The following GFRA2 variants were observed in gnomAD, a reference collection of about 807,000 sequenced individuals.
GFRA2 encodes GDNF family receptor alpha-2.
GFRA2 carries 17 observed loss-of-function variants against 48.3 expected under a neutral mutation model. The observed-to-expected ratio is 0.35, with a 90% confidence interval of 0.24 to 0.53. GFRA2 has a LOEUF of 0.53. Ranked by LOEUF, GFRA2 falls within the 20% of genes least tolerant of loss-of-function variation. The probability of loss-of-function intolerance (pLI) is 0.93; values close to 1 mark genes in which losing one functional copy is unlikely to be tolerated. For missense variants in GFRA2, 660 were observed against 637.3 expected (o/e 1.04, Z -0.38); for synonymous variants, 305 against 257.2 (o/e 1.19, Z -1.78).
In GFRA2 at chr8:21,784,738, C is replaced by T. The variant is rs373880784; in HGVS notation, c.41-1839G>A. ...CACTGACCAGACCTCTGCCACAGAA[C>T]AGGAAGGCTGATGGATGTGGCCAGG... On this transcript the variant is annotated intron_variant, in intron 1 of 8. Coordinates refer to ENST00000524240, the MANE Select transcript of GFRA2 (RefSeq NM_001495.5). 8.6e-3 allele frequency among the ~76,000 whole-genome samples: 1,317 copies of T among 152,314 alleles called. 17 individuals carry two copies. The highest frequency in any genetic ancestry group is 0.03 in the African/African-American group (1,257 of 41,562).
rs73554748 is a variant in GFRA2, at chr8:21,748,839, G to A, written c.794+1749C>T. On this transcript the variant is annotated intron_variant, in intron 4 of 8. Transcript: ENST00000524240. ...CCTCCCCCGACTTGCCTCCCATCAC[G>A]GCCCACTCTACATGTGCCCAACACC... Among the ~76,000 whole-genome samples the A allele has an allele frequency of 4.3e-3, 660 of 152,048 alleles. 5 individuals are homozygous for A. The highest frequency in any genetic ancestry group is 0.015 in the African/African-American group (629 of 41,478).
At chr8:21,763,897 AC>A (rs1806026906) in intron 3 of GFRA2, among the ~76,000 whole-genome samples, 1 of 151,288 alleles carries the variant, frequency 6.6e-6, no homozygotes, top group Non-Finnish European at 1.5e-5. Flanking sequence ...ACCCAGTGAA[AC>A]CCAGCCACCC....
At position 21,769,799 on chromosome 8, in the gene GFRA2, G is replaced by A. The variant is rs113119721; in HGVS notation, c.439+5173C>T. On this transcript the variant is annotated intron_variant, in intron 3 of 8. Transcript: ENST00000524240. ...TGCTGTGGCACCAGGGGCCGGTGGTGGTTACCTCTCAGAGGCCGTATGCAA... is the reference window on the plus strand; with the variant it reads ...TGCTGTGGCACCAGGGGCCGGTGGTAGTTACCTCTCAGAGGCCGTATGCAA... Among the ~76,000 whole-genome samples, 3 of 152,228 alleles carry A rather than the reference G, an allele frequency of 2.0e-5. 1 individual carries two copies. The highest frequency in any genetic ancestry group is 7.2e-5 in the African/African-American group (3 of 41,524).
At chr8:21,741,708 G>A (rs564321741) in intron 4 of GFRA2, among the ~76,000 whole-genome samples, 6 of 152,108 alleles carry the variant, frequency 3.9e-5, no homozygotes, top group Non-Finnish European at 7.4e-5. Context: ...CAGATCACGA[G>A]GTCAGGAGTT....
intron 3 of GFRA2, among the ~76,000 whole-genome samples, chr8:21,758,462 C>G (rs1805699158): frequency 6.6e-6 from 1 of 152,158 alleles, no homozygotes; most frequent in African/African-American, 2.4e-5. Flanking sequence ...ACCACCCTTC[C>G]TGCCTCCCAG....
intron 7 of GFRA2, among the ~76,000 whole-genome samples, chr8:21,698,850 C>T (rs1407056370): frequency 6.6e-6 from 1 of 151,216 alleles, no homozygotes; most frequent in East Asian, 1.9e-4. Context: ...GACTCTGTGC[C>T]TCGGCTCCGC....
At chr8:21,781,325 C>A (rs989665413) in intron 2 of GFRA2, among the ~76,000 whole-genome samples, 6 of 152,132 alleles carry the variant, frequency 3.9e-5, no homozygotes, top group African/African-American at 1.4e-4. Context: ...CTCCTCCCCA[C>A]TTCCACCACC....
intron 4 of GFRA2, among the ~76,000 whole-genome samples, chr8:21,749,353 A>G (rs939641361): frequency 1.3e-5 from 2 of 152,030 alleles, no homozygotes; most frequent in Non-Finnish European, 2.9e-5. Flanking sequence ...AACGTTCACA[A>G]TAACCCTGTG....
intron 3 of GFRA2, among the ~76,000 whole-genome samples, chr8:21,772,268 GC>G (rs1806472994): frequency 6.6e-6 from 1 of 152,166 alleles, no homozygotes; most frequent in Non-Finnish European, 1.5e-5. Context: ...TTTCTGCTGA[GC>G]TCCTCACCAT....
Position 21,750,667 on chromosome 8 carries a change from G to A in GFRA2, c.715C>T (p.Pro239Ser), listed in dbSNP as rs766573343. ...TCCTTGTCCTCATAGGAGCAGCTGGGCAGGATGGTTTGCCGGCGGCGCTCA... is the reference window on the plus strand; with the variant it reads ...TCCTTGTCCTCATAGGAGCAGCTGGACAGGATGGTTTGCCGGCGGCGCTCA... ...CAERRRQTIL[P>S]SCSYEDKEKP... is the part of the protein sequence containing the mutation. The change falls in exon 4 of 9, where the codon CCC becomes TCC. Residue 239 changes from proline to serine, a missense_variant. By Grantham distance (74) the Pro-to-Ser change is moderately conservative (BLOSUM62 -1). Coordinates refer to ENST00000524240, the MANE Select transcript of GFRA2 (RefSeq NM_001495.5). This position sits in a 1 kb window ranked among gnomAD's most constrained non-coding sequence, Gnocchi z 5.7. 1.2e-6 allele frequency: 2 copies of A among 1,613,848 alleles called. No individual in the cohort carries two copies. The highest frequency in any genetic ancestry group is 1.7e-6 in the Non-Finnish European group (2 of 1,179,788).
At chr8:21,746,453 C>T (rs1446505268) in intron 4 of GFRA2, among the ~76,000 whole-genome samples, 1 of 151,954 alleles carries the variant, frequency 6.6e-6, no homozygotes, top group African/African-American at 2.4e-5. Flanking sequence ...GAAGAATGCC[C>T]TGCTTCAAGA....
intron 4 of GFRA2, among the ~76,000 whole-genome samples, chr8:21,738,038 C>T (rs1563238332): frequency 6.6e-6 from 1 of 150,868 alleles, no homozygotes; most frequent in Non-Finnish European, 1.5e-5. Flanking sequence ...GACACACAAA[C>T]ACTTTTTGGA....
At chr8:21,754,193 A>T (rs555683155) in intron 3 of GFRA2, among the ~76,000 whole-genome samples, 4 of 152,336 alleles carry the variant, frequency 2.6e-5, no homozygotes, top group African/African-American at 7.2e-5. Context: ...TTTGCATCAA[A>T]TACAAGCTCC....
intron 2 of GFRA2, among the ~76,000 whole-genome samples, chr8:21,778,297 C>G (rs1243290284): frequency 6.6e-6 from 1 of 152,188 alleles, no homozygotes; most frequent in African/African-American, 2.4e-5. Flanking sequence ...CCCCGCCACT[C>G]ACAAGAACAC....
intron 2 of GFRA2, among the ~76,000 whole-genome samples, chr8:21,801,717 T>A (rs2117114452): frequency 6.6e-6 from 1 of 152,232 alleles, no homozygotes; most frequent in East Asian, 1.9e-4. Flanking sequence ...CATCAGCCCC[T>A]GCTGGAATCT....
intron 7 of GFRA2, among the ~76,000 whole-genome samples, chr8:21,696,787 A>T (rs1009945038): frequency 2.0e-5 from 3 of 152,076 alleles, no homozygotes; most frequent in Non-Finnish European, 4.4e-5. Context: ...TTACACAGGA[A>T]AAATGACAGA....
chr8:21,722,751 T>C (rs1159504963), intron 4 of GFRA2, among the ~76,000 whole-genome samples: 1 of 152,196 alleles, frequency 6.6e-6, no homozygotes, highest in Non-Finnish European at 1.5e-5. Flanking sequence ...TTATGGGTCC[T>C]CTCTATTTCT....
At chr8:21,724,266 C>T (rs936341933) in intron 4 of GFRA2, among the ~76,000 whole-genome samples, 5 of 152,066 alleles carry the variant, frequency 3.3e-5, no homozygotes, top group African/African-American at 4.8e-5. Context: ...CATCTCGTTG[C>T]CCCTTGGCCT....
At chr8:21,757,965 C>T (rs758724408) in intron 3 of GFRA2, among the ~76,000 whole-genome samples, 9 of 152,188 alleles carry the variant, frequency 5.9e-5, no homozygotes, top group Non-Finnish European at 2.9e-5. Flanking sequence ...ACATATTCGT[C>T]GGCCCCATCT....
Sources: gnomAD v4.1 joint callset for allele counts (sites outside exome capture counted in the v4.1 genomes callset) on GRCh38, gnomAD v4.1.1 for gene constraint, Gnocchi (gnomAD v3.1) non-coding constraint, MANE v1.5 for transcripts, NCBI Gene and HGNC (gene_info 2026-07-23, HGNC 2026-07-21) for gene names.